The following CLCA2 variants were observed in gnomAD, a reference collection of about 807,000 sequenced individuals.
The protein encoded by CLCA2 is calcium-activated chloride channel regulator 2.
CLCA2 carries 85 observed loss-of-function variants against 82.9 expected under a neutral mutation model. The ratio of observed to expected loss-of-function variants is 1.03; its 90% CI spans 0.86 to 1.23. The LOEUF is 1.23. CLCA2 is among the 50% of genes most tolerant of loss of function. The pLI is 0.00. For missense variants in CLCA2, 1,089 were observed against 1,124.8 expected (o/e 0.97, Z 0.45); for synonymous variants, 421 against 391.7 (o/e 1.07, Z -0.88).
At chr1:86,450,754 T>C in intron 12 of CLCA2, 21 bp downstream of exon 12, 2 of 1,563,842 alleles carry the variant, frequency 1.3e-6, no homozygotes, top group African/African-American at 2.7e-5. Flanking sequence ...TTAGCACTGT[T>C]ATTTGAGTAA....
In CLCA2 at chr1:86,455,067, T is replaced by C. The variant is rs748676287; in HGVS notation, c.2390-18T>C. Reference sequence around the variant, plus strand: ...CTCAAAGTGACTTAATTTTCCTATTTATATTTTTTAATTTCAGCTACAAGC... The same window carrying C: ...CTCAAAGTGACTTAATTTTCCTATTCATATTTTTTAATTTCAGCTACAAGC... On this transcript the variant is annotated intron_variant, in intron 13 of 13. Coordinates refer to ENST00000370565, the MANE Select transcript of CLCA2 (RefSeq NM_006536.7). 6 of 1,411,254 alleles carry C rather than the reference T, an allele frequency of 4.3e-6. No homozygotes were observed. The highest frequency in any genetic ancestry group is 3.8e-6 in the Non-Finnish European group (4 of 1,051,578). The allele number at this position is 1,411,254 out of a possible 1,614,324, so 87.4% of individuals were successfully genotyped here. A position where few individuals can be genotyped will look rare whatever the true frequency, so the allele number is the denominator to read the frequency against.
Position 86,448,803 on chromosome 1 carries a change from G to A in CLCA2, c.1984+1025G>A, listed in dbSNP as rs551657925. Among the ~76,000 whole-genome samples the A allele has an allele frequency of 2.4e-4, 36 of 152,308 alleles. 1 individual carries two copies. The South Asian group carries it at 6.0e-3, about 25-fold the overall frequency. On this transcript the variant is annotated intron_variant, in intron 11 of 13. Coordinates refer to ENST00000370565, the MANE Select transcript of CLCA2 (RefSeq NM_006536.7). ...GTCTTCTTGTTTTGCCTGTTGGATTGGATCCAAATGAACTTCTCATGCTCT... is the reference window on the plus strand; with the variant it reads ...GTCTTCTTGTTTTGCCTGTTGGATTAGATCCAAATGAACTTCTCATGCTCT...
Position 86,455,484 on chromosome 1 carries a change from A to G in CLCA2, c.2789A>G (p.Lys930Arg). ...GTGACACATCATACTTTAAGCAGGA[A>G]AAAGAGAGCAGACAAGAAAGAGAAT... ...IVVTHHTLSR[K>R]KRADKKENGT... is the part of the protein sequence containing the mutation. Residue 930 changes from lysine to arginine, a missense_variant, in exon 14 of 14, where the codon AAA becomes AGA. Lys to Arg is a conservative substitution (Grantham distance 26). Coordinates refer to ENST00000370565, the MANE Select transcript of CLCA2 (RefSeq NM_006536.7). 6.6e-7 allele frequency: 1 copy of G among 1,506,648 alleles called. No individual in the cohort carries two copies. Among genetic ancestry groups the G allele is most frequent in the Non-Finnish European group, 8.8e-7 (1 of 1,130,284 alleles). The allele number at this position is 1,506,648 out of a possible 1,614,324, so 93.3% of individuals were successfully genotyped here. A position where few individuals can be genotyped will look rare whatever the true frequency, so the allele number is the denominator to read the frequency against.
At chr1:86,439,138 C>T (rs1662674414) in intron 7 of CLCA2, 32 bp downstream of exon 7, 1 of 1,591,678 alleles carries the variant, frequency 6.3e-7, no homozygotes, top group African/African-American at 1.3e-5. Flanking sequence ...CTTGGATCAC[C>T]ATCATTTTCC....
rs917027064 is a variant in CLCA2, at chr1:86,455,365, C to A, written c.2670C>A (p.Pro890=). The change falls in exon 14 of 14, where the codon CCC becomes CCA. Residue 890 remains proline, a synonymous_variant. Transcript: ENST00000370565. The stretch of plus-strand genomic sequence containing the variant: ...CCCAGGCGCCTCTGTTTATTCCCCC[C>A]AATTCTGATCCTGTACCTGCCAGAG... ...NIAQAPLFIP[P]NSDPVPARDY... 5.0e-6 allele frequency: 8 copies of A among 1,612,056 alleles called. No individual in the cohort carries two copies. The highest frequency in any genetic ancestry group is 4.0e-5 in the African/African-American group (3 of 74,828).
intron 10 of CLCA2, 120 bp downstream of exon 10, chr1:86,444,131 C>A: frequency 1.5e-6 from 1 of 676,460 alleles, no homozygotes; most frequent in Non-Finnish European, 2.5e-6. Context: ...CAAAAGTTTA[C>A]TTTAAATTTA....
At chr1:86,441,198 A>C (rs912876856) in intron 8 of CLCA2, among the ~76,000 whole-genome samples, 1 of 152,152 alleles carries the variant, frequency 6.6e-6, no homozygotes, top group Admixed American at 6.5e-5. Flanking sequence ...GTTCTTATGT[A>C]CTGTACATAA....
At chr1:86,451,990 C>G (rs777416641) in intron 12 of CLCA2, among the ~76,000 whole-genome samples, 5 of 152,036 alleles carry the variant, frequency 3.3e-5, no homozygotes, top group Non-Finnish European at 7.4e-5. Context: ...CCTCCAAATT[C>G]ATAACTTTAA....
At chr1:86,445,648 G>T (rs1426831491) in intron 10 of CLCA2, 1 of 151,948 alleles carries the variant, frequency 6.6e-6, no homozygotes, top group Non-Finnish European at 1.5e-5. Context: ...CCTCTATCTT[G>T]ATAAAATGGT....
chr1:86,454,902 A>AG (rs200254266), intron 13 of CLCA2, among the ~76,000 whole-genome samples, 183 bp from the exon 14 acceptor site: 12 of 150,610 alleles, frequency 8.0e-5, no homozygotes, highest in African/African-American at 2.7e-4. Flanking sequence ...AAAAAAAAAA[A>AG]TCCTTGGATT....
chr1:86,436,067 T>G (rs1662604025), intron 6 of CLCA2, among the ~76,000 whole-genome samples: 1 of 152,228 alleles, frequency 6.6e-6, no homozygotes, highest in Admixed American at 6.5e-5. Flanking sequence ...ACTTTATTGC[T>G]ACAGTAGCAG....
At chr1:86,446,975 T>G (rs1662866534) in intron 10 of CLCA2, among the ~76,000 whole-genome samples, 1 of 152,180 alleles carries the variant, frequency 6.6e-6, no homozygotes, top group Admixed American at 6.5e-5. Flanking sequence ...TGGTCCCTAG[T>G]AGTGTATGTG....
Position 86,447,640 on chromosome 1 carries a change from C to T in CLCA2, c.1846C>T (p.Leu616Phe), listed in dbSNP as rs530664276. 20 of 1,614,116 alleles carry T rather than the reference C, an allele frequency of 1.2e-5. No individual in the cohort carries two copies. In the East Asian group the frequency reaches 3.3e-4, roughly 27 times the overall value. The change falls in exon 11 of 14, where the codon CTC becomes TTC. Residue 616 changes from leucine (L) to phenylalanine (F), a missense_variant. Leu to Phe is a conservative substitution (Grantham distance 22, BLOSUM62 0). Transcript: ENST00000370565. The part of the protein sequence containing the change: ...TVEAFVERDS[L>F]HFPHPVMIYA... ...GGAAGCCTTTGTGGAAAGAGACAGC[C>T]TCCATTTTCCTCATCCTGTGATGAT...
intron 6 of CLCA2, among the ~76,000 whole-genome samples, chr1:86,437,250 C>G (rs1295913052): frequency 1.3e-5 from 2 of 152,170 alleles, no homozygotes; most frequent in African/African-American, 4.8e-5. Context: ...CTACACTGCA[C>G]TGGCCTGAGG....
intron 5 of CLCA2, 140 bp from the exon 6 acceptor site, chr1:86,434,378 A>T: frequency 1.5e-6 from 1 of 648,488 alleles, no homozygotes; most frequent in Non-Finnish European, 2.6e-6. Flanking sequence ...TTCTTGAAGG[A>T]AAGAGGTATA....
chr1:86,448,979 G>C (rs1662911179), intron 11 of CLCA2, among the ~76,000 whole-genome samples: 1 of 152,270 alleles, frequency 6.6e-6, no homozygotes, highest in East Asian at 1.9e-4. Context: ...AGCTCAATTG[G>C]CTTTTATATT....
At chr1:86,428,257 A>C (rs1466046554) in intron 2 of CLCA2, among the ~76,000 whole-genome samples, 161 bp from the exon 3 acceptor site, 1 of 152,204 alleles carries the variant, frequency 6.6e-6, no homozygotes, top group Non-Finnish European at 1.5e-5. Context: ...TCCATCCACA[A>C]GGTGTTTTTC....
In CLCA2 at chr1:86,446,216, CTTTT is replaced by C. The variant is rs3086658; in HGVS notation, c.1714-1272_1714-1269del. Among the ~76,000 whole-genome samples the C allele has an allele frequency of 6.0e-3, 654 of 108,482 alleles. 3 individuals carry two copies. Among genetic ancestry groups the C allele is most frequent in the African/African-American group, 0.02 (578 of 28,896 alleles). The allele number at this position is 108,482 out of a possible 152,430, so 71.2% of individuals were successfully genotyped here. On this transcript the variant is annotated intron_variant, in intron 10 of 13. Transcript: ENST00000370565. ...CTTCTGTAGTGGTGAGCTGTGGGAA[CTTTT>C]TTTTTTTTTTTTTTTTTTTGATGGA...
In CLCA2 at chr1:86,438,867, G is replaced by A. The variant is rs1269426977; in HGVS notation, c.973-9G>A. 6.2e-7 allele frequency: 1 copy of A among 1,603,544 alleles called. No homozygotes were observed. The highest frequency in any genetic ancestry group is 8.5e-7 in the Non-Finnish European group (1 of 1,175,752). ...GTTGCCATTTTCTTTTTTCCTTTTTGGGACATAGGCTGACAGACTCCTTCA... is the reference window on the plus strand; with the variant it reads ...GTTGCCATTTTCTTTTTTCCTTTTTAGGACATAGGCTGACAGACTCCTTCA... On this transcript the variant is annotated splice_polypyrimidine_tract_variant and intron_variant, in intron 6 of 13. Coordinates refer to ENST00000370565, the MANE Select transcript of CLCA2 (RefSeq NM_006536.7).
Sources: allele counts gnomAD v4.1 joint callset (sites outside exome capture counted in the v4.1 genomes callset), GRCh38; gene constraint gnomAD v4.1.1; transcripts MANE v1.5; gene names NCBI Gene and HGNC (gene_info 2026-07-23, HGNC 2026-07-21).